Variants in OPN5 observed in about 807,000 individuals in gnomAD.
OPN5 encodes opsin 5.
A neutral mutation model predicts 41.7 loss-of-function variants in OPN5; 18 were observed. The observed-to-expected ratio is 0.43, with a 90% CI of 0.30 to 0.64. The LOEUF is 0.64. Among genes scored for constraint, OPN5 ranks in the 30% least tolerant of loss-of-function variants. The pLI is 0.13. For missense variants in OPN5, 318 were observed against 434.5 expected, an observed-to-expected ratio of 0.73 and a Z score of 2.38; for synonymous variants, 178 against 164.3, an observed-to-expected ratio of 1.08 and a Z score of -0.64.
At chr6:47,816,454 A>G (rs115250246) in intron 6 of OPN5, among the ~76,000 whole-genome samples, 1,894 of 152,182 alleles carry the variant, frequency 0.012, 41 homozygotes, top group African/African-American at 0.043. Context: ...ATCATTGCCA[A>G]GCCAATGTTC....
chr6:47,790,776 C>A (rs1773345772), intron 2 of OPN5, among the ~76,000 whole-genome samples: 1 of 152,122 alleles, frequency 6.6e-6, no homozygotes, highest in Non-Finnish European at 1.5e-5. Context: ...TTTCTATATT[C>A]ACAGTAGCTA....
In OPN5 at chr6:47,782,173, CTG is replaced by C. The variant is rs750261050; in HGVS notation, c.108_109del (p.Gly37LeufsTer23). On this transcript the variant is annotated frameshift_variant, in exon 1 of 7. Coordinates refer to ENST00000371211, the Ensembl canonical transcript of OPN5. LOFTEE classifies it high-confidence loss of function. ...CTTTCTTGGGAAGCGGATTTAGTGG[CTG>C]GCTTTTACCTAACAATAATTGGTAA... 6.2e-7 allele frequency: 1 copy of C among 1,613,520 alleles called. No homozygotes were observed. The highest frequency in any genetic ancestry group is 1.1e-5 in the South Asian group (1 of 91,054).
At chr6:47,819,047 G>A (rs1239798483) in intron 6 of OPN5, among the ~76,000 whole-genome samples, 3 of 151,948 alleles carry the variant, frequency 2.0e-5, no homozygotes, top group Admixed American at 6.6e-5. Context: ...GCAGAGGAGA[G>A]CAACAACTTC....
chr6:47,813,710 T>C (rs1762337847), intron 6 of OPN5, among the ~76,000 whole-genome samples: 1 of 152,044 alleles, frequency 6.6e-6, no homozygotes, highest in African/African-American at 2.4e-5. Context: ...TATAACAAAA[T>C]TACAACTTAT....
chr6:47,816,957 C>T (rs184595171), intron 6 of OPN5, among the ~76,000 whole-genome samples: 11 of 152,202 alleles, frequency 7.2e-5, no homozygotes, highest in Non-Finnish European at 4.4e-5. Context: ...GGACATTTCT[C>T]AATATGTCTG....
At chr6:47,784,449 A>C (rs1289497170) in intron 1 of OPN5, among the ~76,000 whole-genome samples, 4 of 152,122 alleles carry the variant, frequency 2.6e-5, no homozygotes, top group Non-Finnish European at 5.9e-5. Flanking sequence ...GGTGTGCACC[A>C]CCATGCTTGG....
At chr6:47,805,531 C>A (rs1012841609) in intron 4 of OPN5, among the ~76,000 whole-genome samples, 2 of 151,674 alleles carry the variant, frequency 1.3e-5, no homozygotes, top group African/African-American at 4.9e-5. Flanking sequence ...TTAGATTTTC[C>A]ATGTTTCATT....
intron 4 of OPN5, among the ~76,000 whole-genome samples, chr6:47,798,740 A>G (rs934374292): frequency 1.3e-5 from 2 of 152,148 alleles, no homozygotes; most frequent in Non-Finnish European, 2.9e-5. Context: ...TGACATCTTC[A>G]GTACTAAATT....
At chr6:47,789,781 G>A (rs897102609) in intron 2 of OPN5, among the ~76,000 whole-genome samples, 5 of 152,146 alleles carry the variant, frequency 3.3e-5, no homozygotes, top group Non-Finnish European at 4.4e-5. Flanking sequence ...TGGGAGAGCT[G>A]GGAGCTAGCA....
chr6:47,801,030 C>A (rs940451055), intron 4 of OPN5, among the ~76,000 whole-genome samples: 2 of 152,152 alleles, frequency 1.3e-5, no homozygotes, highest in African/African-American at 4.8e-5. Flanking sequence ...CCAGAAAGCC[C>A]TCCTGATTCT....
intron 6 of OPN5, among the ~76,000 whole-genome samples, chr6:47,813,913 G>A (rs1246540359): frequency 6.6e-6 from 1 of 152,052 alleles, no homozygotes; most frequent in African/African-American, 2.4e-5. Flanking sequence ...AAGTGAATGG[G>A]ATGGGGGAGA....
chr6:47,792,982 G>GTTT (rs11409547), intron 3 of OPN5, among the ~76,000 whole-genome samples: 7 of 138,070 alleles, frequency 5.1e-5, no homozygotes, highest in East Asian at 2.1e-4. Flanking sequence ...CCAGCACTAC[G>GTTT]TTTTTTTTTT....
At chr6:47,823,542 G>C (rs1015192383) in intron 6 of OPN5, 1 of 181,134 alleles carries the variant, frequency 5.5e-6, no homozygotes, top group Non-Finnish European at 1.2e-5. Flanking sequence ...CTGTGTTCAC[G>C]CTCTCTTCTG....
At chr6:47,808,161 T>A in exon 5 of OPN5, 1 of 1,613,870 alleles carries the variant, frequency 6.2e-7, no homozygotes, top group Non-Finnish European at 8.5e-7. Flanking sequence ...CAGGTAGCGA[T>A]GTTGATTTGT....
intron 2 of OPN5, among the ~76,000 whole-genome samples, chr6:47,788,536 A>G (rs1773264502): frequency 6.6e-6 from 1 of 152,138 alleles, no homozygotes; most frequent in African/African-American, 2.4e-5. Context: ...CTTTCATACA[A>G]CAGGTTTCAC....
chr6:47,818,599 C>T (rs755973645), intron 6 of OPN5, among the ~76,000 whole-genome samples: 3 of 152,150 alleles, frequency 2.0e-5, no homozygotes, highest in Non-Finnish European at 4.4e-5. Flanking sequence ...ACAGATGAGG[C>T]TCTTAGCTCA....
At chr6:47,791,765 A>T (rs771608877) in intron 2 of OPN5, 37 bp from the exon 3 acceptor site, 15 of 1,603,870 alleles carry the variant, frequency 9.4e-6, no homozygotes, top group Non-Finnish European at 1.2e-5. Context: ...AATAGTAACC[A>T]GAGGAACGTC....
At chr6:47,820,082 C>CA (rs1762570534) in intron 6 of OPN5, among the ~76,000 whole-genome samples, 1 of 152,084 alleles carries the variant, frequency 6.6e-6, no homozygotes, top group Non-Finnish European at 1.5e-5. Context: ...TAATGGAACA[C>CA]AACCATGCCC....
chr6:47,807,211 G>A (rs976103956), intron 4 of OPN5, among the ~76,000 whole-genome samples: 3 of 152,138 alleles, frequency 2.0e-5, no homozygotes, highest in Non-Finnish European at 2.9e-5. Flanking sequence ...CCTCCTCTGA[G>A]CTGCCACTTA....
Sources: allele counts gnomAD v4.1 joint callset (sites outside exome capture counted in the v4.1 genomes callset), GRCh38; gene constraint gnomAD v4.1.1; transcripts MANE v1.5; gene names NCBI Gene and HGNC (gene_info 2026-07-23, HGNC 2026-07-21).